Variants in KBTBD3 observed in about 807,000 individuals in gnomAD.
KBTBD3 encodes kelch repeat and BTB domain containing 3.
Under a neutral mutation model 49.6 loss-of-function variants are expected in KBTBD3, and 38 were observed. The observed-to-expected ratio is 0.77, with a 90% CI of 0.59 to 1.00. KBTBD3 has a LOEUF of 1.00. Ranked by LOEUF, KBTBD3 falls within the 50% of genes least tolerant of loss-of-function variation. KBTBD3 has a pLI of 0.00. For missense variants in KBTBD3, 661 were observed against 712.0 expected, an observed-to-expected ratio of 0.93 and a Z score of 0.81; for synonymous variants, 214 against 250.4, an observed-to-expected ratio of 0.85 and a Z score of 1.37.
At chr11:106,054,940 C>T (rs1860521438) in intron 3 of KBTBD3, among the ~76,000 whole-genome samples, 1 of 152,008 alleles carries the variant, frequency 6.6e-6, no homozygotes, top group Non-Finnish European at 1.5e-5. Context: ...CTGATGTCTC[C>T]AATGACTCTA....
intron 2 of KBTBD3, among the ~76,000 whole-genome samples, chr11:106,065,060 C>G (rs1018596694): frequency 6.6e-6 from 1 of 152,176 alleles, no homozygotes; most frequent in Non-Finnish European, 1.5e-5. Context: ...CATTCTAAAG[C>G]AGTAATTACT....
chr11:106,071,957 A>G (rs1464531312), intron 2 of KBTBD3, among the ~76,000 whole-genome samples: 3 of 152,232 alleles, frequency 2.0e-5, no homozygotes, highest in Non-Finnish European at 2.9e-5. Context: ...AAAGATTTAT[A>G]AGGCAATTAT....
intron 2 of KBTBD3, chr11:106,076,154 A>G (rs908236544): frequency 6.6e-6 from 1 of 152,248 alleles, no homozygotes; most frequent in Non-Finnish European, 1.5e-5. Context: ...TGATATGGGT[A>G]TTAGTATCAC....
At chr11:106,059,196 A>G (rs1860629962) in intron 2 of KBTBD3, 87 bp from the exon 3 acceptor site, 1 of 630,288 alleles carries the variant, frequency 1.6e-6, no homozygotes, top group African/African-American at 2.0e-5. Context: ...GCAAATACAC[A>G]AAAATAACCA....
intron 3 of KBTBD3, chr11:106,057,874 T>C (rs1429951446): frequency 1.0e-5 from 4 of 381,948 alleles, no homozygotes; most frequent in African/African-American, 2.1e-5. Flanking sequence ...TCTCGCAGAG[T>C]TATTTTCTTC....
intron 2 of KBTBD3, among the ~76,000 whole-genome samples, chr11:106,074,484 T>C (rs560868861): frequency 1.3e-5 from 2 of 152,220 alleles, no homozygotes; most frequent in Non-Finnish European, 2.9e-5. Context: ...TAATTCACAC[T>C]GTTAACTAGT....
rs758435918 is a variant in KBTBD3 at position 106,054,422 on chromosome 11, A to G, written c.267T>C (p.Asp89=). The G allele has an allele frequency of 6.4e-7, 1 of 1,572,106 alleles. No individual in the cohort carries two copies. The highest frequency in any genetic ancestry group is 8.6e-7 in the Non-Finnish European group (1 of 1,156,708). ...AMFEVNMKER[D]DGSVTITNLS... ...AATTAGTAATGGTAACACTTCCATCATCTCTTTCTTTCATGTTTACTTCAA... is the reference window on the plus strand; with the variant it reads ...AATTAGTAATGGTAACACTTCCATCGTCTCTTTCTTTCATGTTTACTTCAA... The change falls in exon 4 of 4, where the codon GAT becomes GAC. Residue 89 remains aspartate, a synonymous_variant. Transcript: ENST00000531837.
chr11:106,066,052 A>C (rs971971202), intron 2 of KBTBD3, among the ~76,000 whole-genome samples: 2 of 152,074 alleles, frequency 1.3e-5, no homozygotes, highest in African/African-American at 2.4e-5. Flanking sequence ...GATGGGAGAA[A>C]CTTGTGCATG....
At chr11:106,068,931 G>C (rs187596301) in intron 2 of KBTBD3, among the ~76,000 whole-genome samples, 1 of 152,050 alleles carries the variant, frequency 6.6e-6, no homozygotes, top group Admixed American at 6.5e-5. Flanking sequence ...TATCCTATTA[G>C]GCAGCTAAAG....
intron 2 of KBTBD3, among the ~76,000 whole-genome samples, chr11:106,064,580 A>G (rs976763646): frequency 1.4e-5 from 2 of 144,350 alleles, no homozygotes; most frequent in Non-Finnish European, 3.0e-5. Flanking sequence ...ATAGCCAGGA[A>G]GTATTTATAC....
rs1860604035 is a variant in KBTBD3 at position 106,058,435 on chromosome 11, G to GT, written c.233+429dup. Reference sequence around the variant, plus strand: ...GGTTCTAATTAGGTTTTTTGTTTTTGTTTTTTTGAGATGGAGTCTCGCTCC... The same window carrying GT: ...GGTTCTAATTAGGTTTTTTGTTTTTGTTTTTTTTGAGATGGAGTCTCGCTCC... On this transcript the variant is annotated intron_variant, in intron 3 of 3. Coordinates refer to ENST00000531837, the MANE Select transcript of KBTBD3 (RefSeq NM_198439.3). Among the ~76,000 whole-genome samples, 3 of 149,718 alleles carry GT rather than the reference G, an allele frequency of 2.0e-5. No homozygotes were observed. The South Asian group carries it at 6.4e-4, about 32-fold the overall frequency.
At chr11:106,069,176 TCATCATAGTTCA>T (rs1232830903) in intron 2 of KBTBD3, among the ~76,000 whole-genome samples, 3 of 152,098 alleles carry the variant, frequency 2.0e-5, no homozygotes, top group African/African-American at 7.2e-5. Context: ...CCACTGCTAT[TCATCATAGTTCA>T]CACTTATTTA....
At chr11:106,068,251 T>C (rs1369128279) in intron 2 of KBTBD3, among the ~76,000 whole-genome samples, 1 of 152,108 alleles carries the variant, frequency 6.6e-6, no homozygotes, top group Non-Finnish European at 1.5e-5. Flanking sequence ...CAGAATCTAA[T>C]CAACATTTAT....
intron 3 of KBTBD3, among the ~76,000 whole-genome samples, chr11:106,056,414 A>G (rs1366247874): frequency 1.3e-5 from 2 of 152,198 alleles, no homozygotes; most frequent in African/African-American, 4.8e-5. Flanking sequence ...ATTATATGTA[A>G]ATTGAATAAA....
At chr11:106,071,587 A>G (rs955873916) in intron 2 of KBTBD3, among the ~76,000 whole-genome samples, 1 of 152,200 alleles carries the variant, frequency 6.6e-6, no homozygotes, top group Non-Finnish European at 1.5e-5. Flanking sequence ...GTTTTTAAAA[A>G]AAGTCTGCCA....
chr11:106,058,750 T>G (rs2135002784), intron 3 of KBTBD3, 115 bp downstream of exon 3: 3 of 697,920 alleles, frequency 4.3e-6, no homozygotes, highest in South Asian at 1.9e-5. Flanking sequence ...TTGTTTTTTT[T>G]TTTAGAATTA....
chr11:106,057,760 ATAAGGAGAGGATGAATTTGC>A (rs767459205), intron 3 of KBTBD3: 3 of 305,624 alleles, frequency 9.8e-6, no homozygotes, highest in Non-Finnish European at 1.8e-5. Context: ...TTTCCCTAAT[ATAAGGAGAGGATGAATTTGC>A]TAAGGAGAGG....
Position 106,054,298 on chromosome 11 carries a change from A to G in KBTBD3, c.391T>C (p.Phe131Leu), listed in dbSNP as rs1356529118. Residue 131 changes from phenylalanine (F) to leucine (L), a missense_variant, in exon 4 of 4, where the codon TTT (phenylalanine) becomes CTT (leucine). Phe to Leu is a conservative substitution (Grantham distance 22). Transcript: ENST00000531837. ...TTGGATAGGAAGGAAACTTGAAGAA[A>G]TGATGACAACTGGAAGAACATTTCC... ...NVEMFFQLSS[F>L]LQVSFLSKAC... is the part of the protein sequence containing the mutation. 2.1e-5 allele frequency: 34 copies of G among 1,613,392 alleles called. No homozygotes were observed. The highest frequency in any genetic ancestry group is 2.8e-5 in the Non-Finnish European group (33 of 1,179,664).
chr11:106,054,349 T>C lies in KBTBD3; in HGVS notation c.340A>G (p.Lys114Glu). 1 of 1,613,288 alleles carries C rather than the reference T, an allele frequency of 6.2e-7. No individual in the cohort carries two copies. Among genetic ancestry groups the C allele is most frequent in the Non-Finnish European group, 8.5e-7 (1 of 1,179,600 alleles). ...KAFLDYAYTG[K>E]TKITDDNVEM... ...ACATTATCATCTGTTATTTTTGTTTTTCCAGTATAGGCATAATCGAGAAAT... is the reference window on the plus strand; with the variant it reads ...ACATTATCATCTGTTATTTTTGTTTCTCCAGTATAGGCATAATCGAGAAAT... The change falls in exon 4 of 4, where the codon AAA becomes GAA. Residue 114 changes from lysine to glutamate, a missense_variant. Lys to Glu is a moderately conservative substitution (Grantham distance 56). Coordinates refer to ENST00000531837, the MANE Select transcript of KBTBD3 (RefSeq NM_198439.3).
Sources: gnomAD v4.1 joint callset for allele counts (sites outside exome capture counted in the v4.1 genomes callset) on GRCh38, gnomAD v4.1.1 for gene constraint, MANE v1.5 for transcripts, NCBI Gene and HGNC (gene_info 2026-07-23, HGNC 2026-07-21) for gene names.